Variants in ACER3 observed in about 807,000 individuals in gnomAD.
ACER3 encodes alkCDase 3.
In ACER3, 16 loss-of-function variants were observed where a neutral mutation model predicts 48.9. That is an observed-to-expected ratio of 0.33 (90% CI 0.22 to 0.50). The LOEUF is 0.50. ACER3 is among the 20% of genes least tolerant of loss of function. The pLI, the probability that ACER3 is intolerant of heterozygous loss-of-function variation, is 0.98. For missense variants in ACER3, 227 were observed against 326.0 expected, an observed-to-expected ratio of 0.70 and a Z score of 2.34; for synonymous variants, 109 against 107.8, an observed-to-expected ratio of 1.01 and a Z score of -0.07.
intron 1 of ACER3, among the ~76,000 whole-genome samples, chr11:76,884,240 G>C (rs1424157027): frequency 6.6e-6 from 1 of 151,170 alleles, no homozygotes; most frequent in African/African-American, 2.4e-5. Flanking sequence ...GCTATGCTTG[G>C]ATTTTTTTTT....
intron 7 of ACER3, among the ~76,000 whole-genome samples, chr11:77,013,824 C>T (rs897808204): frequency 1.3e-5 from 2 of 152,074 alleles, no homozygotes; most frequent in Non-Finnish European, 2.9e-5. Context: ...ACTGGAAACC[C>T]GCATTTGGAC....
chr11:76,894,423 T>A (rs1369988204), intron 1 of ACER3, among the ~76,000 whole-genome samples: 3 of 152,212 alleles, frequency 2.0e-5, no homozygotes, highest in Non-Finnish European at 2.9e-5. Flanking sequence ...ATCATAGACA[T>A]GTAATTGTCA....
chr11:76,906,951 A>G (rs1014679801), intron 1 of ACER3, among the ~76,000 whole-genome samples: 1 of 152,220 alleles, frequency 6.6e-6, no homozygotes, highest in Non-Finnish European at 1.5e-5. Context: ...ATTCTTAGGC[A>G]TGAGCCTATT....
intron 1 of ACER3, among the ~76,000 whole-genome samples, chr11:76,900,117 C>A (rs141406468): frequency 5.9e-5 from 9 of 152,142 alleles, no homozygotes; most frequent in African/African-American, 2.2e-4. Context: ...TTGCTTGAGG[C>A]CAAGAGTTCA....
intron 3 of ACER3, among the ~76,000 whole-genome samples, chr11:76,960,672 C>T (rs1565200953): frequency 2.0e-5 from 3 of 152,124 alleles, no homozygotes; most frequent in Non-Finnish European, 4.4e-5. Context: ...TCTGGGACCT[C>T]AGCCAGTTAA....
At chr11:76,945,791 T>C (rs1947457241) in intron 2 of ACER3, among the ~76,000 whole-genome samples, 2 of 152,068 alleles carry the variant, frequency 1.3e-5, no homozygotes, top group African/African-American at 4.8e-5. Context: ...ATGGCAATAG[T>C]GGTAGTGGAG....
intron 3 of ACER3, among the ~76,000 whole-genome samples, chr11:76,969,508 T>C (rs10899336): frequency 0.57 from 86,677 of 151,620 alleles, 28,005 homozygotes; most frequent in Non-Finnish European, 0.74. Flanking sequence ...ATGTTTATTG[T>C]GGCACTATTC....
At chr11:76,904,335 C>G (rs769975660) in intron 1 of ACER3, among the ~76,000 whole-genome samples, 1 of 152,108 alleles carries the variant, frequency 6.6e-6, no homozygotes, top group African/African-American at 2.4e-5. Flanking sequence ...CTGTCTACTT[C>G]AACTCTTTAG....
Position 76,954,539 on chromosome 11 carries a change from C to T in ACER3, c.215-4440C>T, listed in dbSNP as rs1051992094. Among the ~76,000 whole-genome samples the T allele has an allele frequency of 3.4e-4, 52 of 151,800 alleles. 1 individual carries two copies. Among genetic ancestry groups the T allele is most frequent in the Admixed American group, 2.7e-3 (41 of 15,238 alleles). ...TAACATTATTCTTTGCATTGATTCT[C>T]ATAGCTCTATAACTCCCCTTTTTTA... On this transcript the variant is annotated intron_variant, in intron 2 of 10. Transcript: ENST00000532485.
chr11:76,976,379 T>A, intron 4 of ACER3, 38 bp downstream of exon 4: 1 of 1,313,308 alleles, frequency 7.6e-7, no homozygotes, highest in Non-Finnish European at 1.1e-6. Flanking sequence ...GATTTATTTT[T>A]AAATTTATAT....
At chr11:76,926,507 T>A (rs757908220) in intron 1 of ACER3, 50 bp from the exon 2 acceptor site, 1 of 1,096,960 alleles carries the variant, frequency 9.1e-7, no homozygotes. Context: ...TATCTTTATT[T>A]AAAGTGTTAT....
intron 1 of ACER3, among the ~76,000 whole-genome samples, chr11:76,908,681 T>A (rs913787539): frequency 1.3e-5 from 2 of 152,124 alleles, no homozygotes; most frequent in African/African-American, 4.8e-5. Flanking sequence ...CCCAAAGTAG[T>A]TTATAGATTC....
At chr11:76,979,282 A>AT (rs1173230406) in intron 4 of ACER3, among the ~76,000 whole-genome samples, 3 of 152,300 alleles carry the variant, frequency 2.0e-5, no homozygotes, top group South Asian at 2.1e-4. Context: ...TAATTGAAAG[A>AT]TTTTTTTCTT....
intron 3 of ACER3, among the ~76,000 whole-genome samples, chr11:76,975,906 G>A (rs1432483330): frequency 7.8e-6 from 1 of 127,666 alleles, no homozygotes; most frequent in Admixed American, 9.2e-5. Flanking sequence ...TTGAGACAGG[G>A]TCTTGCTCTG....
chr11:77,026,304 C>A lies in ACER3; in HGVS notation c.*5977C>A, dbSNP rs1354208000. ...TAAAAGGAAAAGTTCAAAGTCCTTT[C>A]CACAGTTAGTCTTCGCTTCTTTTGG... On this transcript the variant is annotated 3_prime_UTR_variant, in exon 11 of 11. Transcript: ENST00000532485. The A allele has an allele frequency of 6.6e-6, 1 of 152,116 alleles. No homozygotes were observed. The highest frequency in any genetic ancestry group is 1.5e-5 in the Non-Finnish European group (1 of 68,028). The allele number at this position is 152,116 out of a possible 1,614,324, so 9.4% of individuals were successfully genotyped here.
At chr11:76,954,520 T>G (rs936324604) in intron 2 of ACER3, among the ~76,000 whole-genome samples, 6 of 152,188 alleles carry the variant, frequency 3.9e-5, no homozygotes, top group Non-Finnish European at 8.8e-5. Flanking sequence ...GTAATAACAT[T>G]ATTCTTTGCA....
At chr11:77,007,799 C>A (rs1365995400) in intron 7 of ACER3, among the ~76,000 whole-genome samples, 1 of 152,298 alleles carries the variant, frequency 6.6e-6, no homozygotes, top group South Asian at 2.1e-4. Context: ...GGTTGAAGCA[C>A]CTTCTAATAC....
chr11:76,895,310 A>G lies in ACER3; in HGVS notation c.104-31247A>G, dbSNP rs148200825. Among the ~76,000 whole-genome samples the G allele has an allele frequency of 2.5e-3, 381 of 152,220 alleles. 1 individual carries two copies. Among genetic ancestry groups the G allele is most frequent in the African/African-American group, 8.7e-3 (362 of 41,536 alleles). On this transcript the variant is annotated intron_variant, in intron 1 of 10. Transcript: ENST00000532485. ...TGTTTTAATGATTTTATGTAACTTC[A>G]TATTTGCCTCAATTATGGTTCCACT...
At chr11:76,910,487 A>G (rs1050854372) in intron 1 of ACER3, among the ~76,000 whole-genome samples, 3 of 152,142 alleles carry the variant, frequency 2.0e-5, no homozygotes, top group African/African-American at 7.2e-5. Flanking sequence ...GAGAACTAAC[A>G]TTTATTCCTT....
Sources: allele counts gnomAD v4.1 joint callset (sites outside exome capture counted in the v4.1 genomes callset), GRCh38; gene constraint gnomAD v4.1.1; transcripts MANE v1.5; gene names NCBI Gene and HGNC (gene_info 2026-07-23, HGNC 2026-07-21).